Variants in CUX2 observed in about 807,000 individuals in gnomAD.
CUX2 encodes the protein homeobox protein cut-like 2.
CUX2 carries 40 observed loss-of-function variants against 144.8 expected under a neutral mutation model. That is an observed-to-expected ratio of 0.28 (90% CI 0.21 to 0.36). The LOEUF is 0.36. Among genes scored for constraint, CUX2 ranks in the 10% least tolerant of loss-of-function variants. The pLI is 1.00. For missense variants in CUX2, 1,615 were observed against 1,994.0 expected, an observed-to-expected ratio of 0.81 and a Z score of 3.62; for synonymous variants, 827 against 875.6, an observed-to-expected ratio of 0.94 and a Z score of 0.98.
chr12:111,347,577 T>G lies in CUX2; in HGVS notation c.3713T>G (p.Leu1238Arg). 6.2e-7 allele frequency: 1 copy of G among 1,612,726 alleles called. No individual in the cohort carries two copies. Among genetic ancestry groups the G allele is most frequent in the Non-Finnish European group, 8.5e-7 (1 of 1,179,564 alleles). ...GAGGGGACCCAGGATGAGCCAGACC[T>G]TGATCCAAGCGGGGGTCCTGGAATC... ...LVEGTQDEPDLDPSGGPGILP... is the reference protein window; with the variant it reads ...LVEGTQDEPDRDPSGGPGILP... Residue 1238 changes from leucine to arginine, a missense_variant, in exon 22 of 22, where the codon CTT (leucine) becomes CGT (arginine). Transcript: ENST00000261726.
chr12:111,108,523 T>G (rs1428415345), intron 1 of CUX2, among the ~76,000 whole-genome samples: 5 of 152,180 alleles, frequency 3.3e-5, no homozygotes, highest in African/African-American at 7.2e-5. Context: ...CTTTTTTCCT[T>G]CTTCCCCATT....
intron 1 of CUX2, among the ~76,000 whole-genome samples, chr12:111,211,826 G>T (rs1881245093): frequency 6.6e-6 from 1 of 151,490 alleles, no homozygotes; most frequent in Non-Finnish European, 1.5e-5. Context: ...GGCGGAGCTT[G>T]CAGTGAGCTG....
Position 111,178,743 on chromosome 12 carries a change from G to A in CUX2, c.64-35457G>A, listed in dbSNP as rs1264946116. On this transcript the variant is annotated intron_variant, in intron 1 of 21. Coordinates refer to ENST00000261726, the MANE Select transcript of CUX2 (RefSeq NM_015267.4). The surrounding 1 kb of genome is among the most constrained non-coding windows in gnomAD (Gnocchi z 5.7). Reference sequence around the variant, plus strand: ...GGAGATGGACATTTATGGGATGGCCGTTTGGAATGAAGTCCAATGATTTAT... The same window carrying A: ...GGAGATGGACATTTATGGGATGGCCATTTGGAATGAAGTCCAATGATTTAT... 1.3e-5 allele frequency among the ~76,000 whole-genome samples: 2 copies of A among 152,192 alleles called. No homozygotes were observed. Among genetic ancestry groups the A allele is most frequent in the Non-Finnish European group, 2.9e-5 (2 of 68,028 alleles).
intron 4 of CUX2, among the ~76,000 whole-genome samples, chr12:111,264,428 TC>T (rs1227043272): frequency 6.6e-6 from 1 of 152,074 alleles, no homozygotes; most frequent in Non-Finnish European, 1.5e-5. Context: ...GGAGTATTAC[TC>T]CCTTTCCATG....
At position 111,310,005 on chromosome 12, in the gene CUX2, C is replaced by CGTCT. The variant is rs200995431; in HGVS notation, c.1259-14_1259-11dup. ...TCTCTCCCCTCATCATCGTCTTCCC[C>CGTCT]GTCTGTCTGTCTGTCTGTCTGTCTG... On this transcript the variant is annotated intron_variant, in intron 14 of 21. Coordinates refer to ENST00000261726, the MANE Select transcript of CUX2 (RefSeq NM_015267.4). This position sits in a 1 kb window ranked among gnomAD's most constrained non-coding sequence, Gnocchi z 7.9. 0.05 allele frequency: 63,240 copies of CGTCT among 1,266,048 alleles called. 1,397 individuals carry two copies. Among genetic ancestry groups the CGTCT allele is most frequent in the South Asian group, 0.086 (2,527 of 29,516 alleles). The allele number at this position is 1,266,048 out of a possible 1,614,324, so 78.4% of individuals were successfully genotyped here.
At chr12:111,317,326 C>A (rs922384872) in intron 16 of CUX2, among the ~76,000 whole-genome samples, 2 of 152,168 alleles carry the variant, frequency 1.3e-5, no homozygotes, top group Non-Finnish European at 2.9e-5. Context: ...CATCTATTAT[C>A]CTTGGTTCAT....
At chr12:111,210,470 T>C (rs1881156955) in intron 1 of CUX2, among the ~76,000 whole-genome samples, 1 of 152,164 alleles carries the variant, frequency 6.6e-6, no homozygotes, top group African/African-American at 2.4e-5. Flanking sequence ...GGGTGTTTTC[T>C]TAGCTGTCAG....
intron 1 of CUX2, among the ~76,000 whole-genome samples, chr12:111,084,222 T>G (rs7314285): frequency 0.22 from 33,287 of 152,102 alleles, 7,557 homozygotes; most frequent in African/African-American, 0.59. Context: ...TGGTTAGTGG[T>G]GCCTGGGCTG....
rs973558854 is a variant in CUX2, at chr12:111,255,760, G to T, written c.223-8001G>T. Among the ~76,000 whole-genome samples, 1 of 152,238 alleles carries T rather than the reference G, an allele frequency of 6.6e-6. No homozygotes were observed. Among genetic ancestry groups the T allele is most frequent in the Non-Finnish European group, 1.5e-5 (1 of 68,040 alleles). On this transcript the variant is annotated intron_variant, in intron 3 of 21. Transcript: ENST00000261726. This position sits in a 1 kb window ranked among gnomAD's most constrained non-coding sequence, Gnocchi z 4.1. ...TAGCACAGTGCCTGGCACAGAGTCA[G>T]TGCTCAGTAGTCACTGTTATCATCA...
At chr12:111,229,681 T>C (rs1268488702) in intron 3 of CUX2, among the ~76,000 whole-genome samples, 2 of 152,018 alleles carry the variant, frequency 1.3e-5, no homozygotes, top group African/African-American at 4.8e-5. Flanking sequence ...GTGGAAGGAT[T>C]GTTTGAGCTC....
intron 3 of CUX2, among the ~76,000 whole-genome samples, chr12:111,220,524 T>C (rs1358566248): frequency 6.6e-6 from 1 of 152,034 alleles, no homozygotes; most frequent in East Asian, 1.9e-4. Flanking sequence ...AAACCTCAAC[T>C]CTGCTCCTAA....
chr12:111,128,163 C>T (rs1875213372), intron 1 of CUX2, among the ~76,000 whole-genome samples: 2 of 152,222 alleles, frequency 1.3e-5, no homozygotes, highest in African/African-American at 4.8e-5. Context: ...TCGAACCAAA[C>T]CGTTAACCAC....
At chr12:111,296,654 T>G in intron 8 of CUX2, 115 bp downstream of exon 8, 1 of 871,250 alleles carries the variant, frequency 1.1e-6, no homozygotes, top group South Asian at 1.6e-5. Flanking sequence ...ACACACCTCC[T>G]CCCTCTGACC....
At position 111,176,371 on chromosome 12, in the gene CUX2, T is replaced by C. The variant is rs556840319; in HGVS notation, c.64-37829T>C. On this transcript the variant is annotated intron_variant, in intron 1 of 21. Coordinates refer to ENST00000261726, the MANE Select transcript of CUX2 (RefSeq NM_015267.4). ...TGTGAGGAATATCTTCCTAATGAGC[T>C]TGGGGATCGGGGAGACTCAGGCTCC... 9.2e-4 allele frequency among the ~76,000 whole-genome samples: 140 copies of C among 152,266 alleles called. 1 individual carries two copies. The highest frequency in any genetic ancestry group is 3.2e-3 in the African/African-American group (134 of 41,540).
At chr12:111,188,671 G>T (rs1879700816) in intron 1 of CUX2, among the ~76,000 whole-genome samples, 1 of 152,134 alleles carries the variant, frequency 6.6e-6, no homozygotes, top group Non-Finnish European at 1.5e-5. Context: ...AAGTGGGCGG[G>T]GCCAGGTCAC....
rs761847352 is a variant in CUX2, at chr12:111,320,489, G to T, written c.2480G>T (p.Gly827Val). 1 of 1,587,866 alleles carries T rather than the reference G, an allele frequency of 6.3e-7. No homozygotes were observed. Among genetic ancestry groups the T allele is most frequent in the Non-Finnish European group, 8.5e-7 (1 of 1,172,386 alleles). The change falls in exon 17 of 22, where the codon GGG becomes GTG. Residue 827 changes from glycine (G) to valine (V), a missense_variant. Physicochemically the swap from Gly to Val is moderately radical, Grantham distance 109 (BLOSUM62 -3). Around this residue, in one of 12 missense-constraint regions of CUX2, gnomAD observed 390 missense variants for 387.1 expected, o/e 1.01. Transcript: ENST00000261726. The surrounding 1 kb of genome is among the most constrained non-coding windows in gnomAD (Gnocchi z 8.1). ...GQPNGRAWPRGDEAPVPPEDE... is the reference protein window; with the variant it reads ...GQPNGRAWPRVDEAPVPPEDE... ...CCCAACGGCCGCGCCTGGCCCCGCG[G>T]GGACGAGGCCCCTGTGCCCCCCGAG...
intron 18 of CUX2, among the ~76,000 whole-genome samples, chr12:111,330,720 T>TATATACATATAC (rs1888071404): frequency 8.0e-5 from 4 of 49,872 alleles, no homozygotes; most frequent in South Asian, 1.2e-3. Flanking sequence ...TATATATATA[T>TATATACATATAC]ATATATATAT....
intron 1 of CUX2, among the ~76,000 whole-genome samples, chr12:111,117,491 T>G (rs1454133557): frequency 6.6e-6 from 1 of 152,194 alleles, no homozygotes; most frequent in East Asian, 1.9e-4. Context: ...CTTGGCCTCA[T>G]TCAACCACAA....
chr12:111,239,790 C>G (rs111709841), intron 3 of CUX2, among the ~76,000 whole-genome samples: 1,948 of 152,206 alleles, frequency 0.013, 58 homozygotes, highest in African/African-American at 0.044. Context: ...CCTGGGCCAT[C>G]AGGAGTAAGT....
Sources: gnomAD v4.1 joint callset for allele counts (sites outside exome capture counted in the v4.1 genomes callset) on GRCh38, gnomAD v4.1.1 for gene constraint, gnomAD v4.1.1 regional missense constraint, Gnocchi (gnomAD v3.1) non-coding constraint, MANE v1.5 for transcripts, NCBI Gene and HGNC (gene_info 2026-07-23, HGNC 2026-07-21) for gene names.